Variants in MATN3 observed in about 807,000 individuals in gnomAD.
MATN3 encodes matrilin 3, also known as matrilin-3.
Under a neutral mutation model 45.3 loss-of-function variants are expected in MATN3, and 48 were observed. That is an observed-to-expected ratio of 1.06 (90% CI 0.84 to 1.35). The LOEUF (loss-of-function observed/expected upper bound fraction) is 1.35. Ranked by LOEUF, MATN3 falls within the 40% of genes most tolerant of loss-of-function variation. The pLI, the probability that MATN3 is intolerant of heterozygous loss-of-function variation, is 0.00. For synonymous variants in MATN3, 217 were observed against 245.9 expected, an observed-to-expected ratio of 0.88 and a Z score of 1.10; for missense variants, 599 against 628.0, an observed-to-expected ratio of 0.95 and a Z score of 0.49.
rs866528473 is a variant in MATN3, at chr2:19,998,775, A to T, written c.1169-1516T>A. Among the ~76,000 whole-genome samples, 557 of 151,018 alleles carry T rather than the reference A, an allele frequency of 3.7e-3. 1 individual carries two copies. The highest frequency in any genetic ancestry group is 9.7e-3 in the African/African-American group (397 of 41,082). On this transcript the variant is annotated intron_variant, in intron 5 of 7. Transcript: ENST00000407540. ...TGTCTCAAAAAAGAGAAGAAAAAAA[A>T]ATATATATATATATAACTAACTTTC...
chr2:20,009,691 C>T (rs1411038937), intron 1 of MATN3, among the ~76,000 whole-genome samples: 1 of 152,118 alleles, frequency 6.6e-6, no homozygotes, highest in Non-Finnish European at 1.5e-5. Flanking sequence ...CATTTGTCAT[C>T]TATTGTCTCT....
intron 5 of MATN3, among the ~76,000 whole-genome samples, chr2:19,998,045 CA>C (rs1489164035): frequency 6.6e-6 from 1 of 152,166 alleles, no homozygotes; most frequent in Non-Finnish European, 1.5e-5. Flanking sequence ...TTGCAGGAAC[CA>C]AAATAGTTTA....
chr2:20,007,805 G>T (rs1384673430), intron 1 of MATN3, among the ~76,000 whole-genome samples: 1 of 152,090 alleles, frequency 6.6e-6, no homozygotes, highest in Non-Finnish European at 1.5e-5. Context: ...CTACACAAAA[G>T]TACCTAACAG....
chr2:20,003,061 TA>T, intron 3 of MATN3, 99 bp downstream of exon 3: 3 of 1,418,684 alleles, frequency 2.1e-6, no homozygotes, highest in Non-Finnish European at 1.9e-6. Flanking sequence ...GGCAGTTAGG[TA>T]AAAAGGGGTC....
chr2:20,007,021 T>A (rs1239726083), intron 1 of MATN3, among the ~76,000 whole-genome samples: 1 of 151,720 alleles, frequency 6.6e-6, no homozygotes, highest in Non-Finnish European at 1.5e-5. Flanking sequence ...ATCAAGACCA[T>A]CACGGTGAAA....
intron 5 of MATN3, among the ~76,000 whole-genome samples, chr2:20,000,056 A>G (rs1672955457): frequency 6.6e-6 from 1 of 152,232 alleles, no homozygotes; most frequent in African/African-American, 2.4e-5. Flanking sequence ...GAAAAGTTCC[A>G]GGCCAAGTTT....
chr2:20,012,424 G>A lies in MATN3; in HGVS notation c.208C>T (p.Arg70Cys). The change falls in exon 1 of 8, where the codon CGC becomes TGC. Residue 70 changes from arginine (R) to cysteine (C), a missense_variant. Physicochemically the swap from Arg to Cys is radical, Grantham distance 180 (BLOSUM62 -3). Transcript: ENST00000407540. The surrounding 1 kb of genome is among the most constrained non-coding windows in gnomAD (Gnocchi z 4.3). ...APASGTSEPGRARGAGVCKSR... is the reference protein window; with the variant it reads ...APASGTSEPGCARGAGVCKSR... ...CCGCCTGTACCTGCACCGCGGGCGC[G>A]GCCAGGCTCGCTGGTCCCGGAAGCG... 1.6e-6 allele frequency: 2 copies of A among 1,229,408 alleles called. No homozygotes were observed. The highest frequency in any genetic ancestry group is 2.0e-6 in the Non-Finnish European group (2 of 986,458). The allele number at this position is 1,229,408 out of a possible 1,614,324, so 76.2% of individuals were successfully genotyped here.
chr2:20,002,117 C>T (rs749278924), intron 3 of MATN3, 37 bp from the exon 4 acceptor site: 1 of 1,584,520 alleles, frequency 6.3e-7, no homozygotes, highest in Non-Finnish European at 8.6e-7. Context: ...TAAATGCATG[C>T]AGAGCATGGC....
chr2:20,003,337 A>G, intron 2 of MATN3, 51 bp from the exon 3 acceptor site: 1 of 1,505,738 alleles, frequency 6.6e-7, no homozygotes, highest in East Asian at 2.4e-5. Context: ...GAAACATCTC[A>G]GATACCGTCT....
At position 20,006,021 on chromosome 2, in the gene MATN3, G is replaced by A. The variant is rs571353547; in HGVS notation, c.513C>T (p.Asp171=). Residue 171 remains aspartate (D), a synonymous_variant, in exon 2 of 8, where the codon GAC becomes GAT. Transcript: ENST00000407540. ...MSGLAIQTAM[D]EAFTVEAGAR... is the part of the protein sequence containing the mutation. ...CCCCTGCCTCCACTGTGAAGGCTTCGTCCATTGCTGTCTGGATGGCTAGGC... is the reference window on the plus strand; with the variant it reads ...CCCCTGCCTCCACTGTGAAGGCTTCATCCATTGCTGTCTGGATGGCTAGGC... The A allele has an allele frequency of 1.4e-4, 228 of 1,613,874 alleles. No homozygotes were observed. The highest frequency in any genetic ancestry group is 2.5e-4 in the Admixed American group (15 of 60,002).
chr2:19,993,517 T>A (rs554784490), intron 7 of MATN3, among the ~76,000 whole-genome samples: 14 of 152,350 alleles, frequency 9.2e-5, no homozygotes, highest in Non-Finnish European at 1.5e-4. Flanking sequence ...TCTGCTGTTC[T>A]AACAAATGCA....
rs1364240180 is a variant in MATN3, at chr2:20,007,202, C to T, written c.224-892G>A. Reference sequence around the variant, plus strand: ...CAGCCTGGGCAACAGAGCGAGACTCCGTCTCAAAAAACAAAACAAAAAAAA... The same window carrying T: ...CAGCCTGGGCAACAGAGCGAGACTCTGTCTCAAAAAACAAAACAAAAAAAA... On this transcript the variant is annotated intron_variant, in intron 1 of 7. Coordinates refer to ENST00000407540, the MANE Select transcript of MATN3 (RefSeq NM_002381.5). Among the ~76,000 whole-genome samples, 6 of 142,992 alleles carry T rather than the reference C, an allele frequency of 4.2e-5. No homozygotes were observed. In the East Asian group the frequency reaches 6.4e-4, roughly 15 times the overall value. 93.8% of individuals were successfully genotyped at this position (142,992 alleles called of 152,430 possible). A position where few individuals can be genotyped will look rare whatever the true frequency, so the allele number is the denominator to read the frequency against.
intron 5 of MATN3, among the ~76,000 whole-genome samples, 184 bp downstream of exon 5, chr2:20,000,257 A>G (rs1402770750): frequency 6.6e-6 from 1 of 152,166 alleles, no homozygotes; most frequent in African/African-American, 2.4e-5. Flanking sequence ...AATTTTCTGA[A>G]GTAATCTATG....
At chr2:20,010,385 T>C (rs1673198972) in intron 1 of MATN3, among the ~76,000 whole-genome samples, 1 of 152,150 alleles carries the variant, frequency 6.6e-6, no homozygotes, top group Non-Finnish European at 1.5e-5. Context: ...GTATGCAGAA[T>C]AATGTCCCCC....
Position 20,003,292 on chromosome 2 carries a change from A to G in MATN3, c.791-6T>C. The G allele has an allele frequency of 6.2e-6, 10 of 1,608,766 alleles. No homozygotes were observed. Among genetic ancestry groups the G allele is most frequent in the Non-Finnish European group, 7.7e-6 (9 of 1,176,120 alleles). ...AAGCACACAGGGGTCCAGCGCTGTG[A>G]GAGGAAGTTTACAACAGTCAGCACT... On this transcript the variant is annotated splice_region_variant and splice_polypyrimidine_tract_variant and intron_variant, in intron 2 of 7. Transcript: ENST00000407540.
Position 20,005,913 on chromosome 2 carries a change from C to A in MATN3, c.621G>T (p.Ala207=). ...CAATACCAGATGCTTGGGCCCGAGC[C>A]GCCACCTCATTCACCTGGTCCTGGG... The part of the protein sequence containing the change: ...GRPQDQVNEV[A]ARAQASGIEL... Residue 207 remains alanine (A), a synonymous_variant, in exon 2 of 8, where the codon GCG becomes GCT. Coordinates refer to ENST00000407540, the MANE Select transcript of MATN3 (RefSeq NM_002381.5). 6.2e-7 allele frequency: 1 copy of A among 1,612,894 alleles called. No individual in the cohort carries two copies. The highest frequency in any genetic ancestry group is 8.5e-7 in the Non-Finnish European group (1 of 1,179,416).
chr2:19,997,854 T>G (rs1672910207), intron 5 of MATN3: 2 of 152,148 alleles, frequency 1.3e-5, no homozygotes, highest in Non-Finnish European at 2.9e-5. Context: ...GAGAGTGAAG[T>G]ACTTACTATC....
chr2:19,994,245 C>A, intron 7 of MATN3, 54 bp downstream of exon 7: 1 of 1,144,646 alleles, frequency 8.7e-7, no homozygotes, highest in South Asian at 1.3e-5. Context: ...TTGGCTCGAT[C>A]GTAGTACCTT....
intron 1 of MATN3, among the ~76,000 whole-genome samples, chr2:20,007,255 C>T (rs566451909): frequency 2.9e-4 from 43 of 150,582 alleles, no homozygotes; most frequent in Middle Eastern, 3.6e-3. Flanking sequence ...GGCCCGGGCG[C>T]GGTGGCTCAC....
Sources: gnomAD v4.1 joint callset for allele counts (sites outside exome capture counted in the v4.1 genomes callset) on GRCh38, gnomAD v4.1.1 for gene constraint, Gnocchi (gnomAD v3.1) non-coding constraint, MANE v1.5 for transcripts, NCBI Gene and HGNC (gene_info 2026-07-23, HGNC 2026-07-21) for gene names.